IFT74: variants seen among roughly 807,000 people sequenced by gnomAD.
IFT74 encodes the protein intraflagellar transport 74.
IFT74 carries 92 observed loss-of-function variants against 96.7 expected under a neutral mutation model. The observed-to-expected ratio is 0.95, with a 90% CI of 0.80 to 1.13. The LOEUF is 1.13. IFT74 is among the 50% of genes most tolerant of loss of function. The pLI is 0.00. For synonymous variants in IFT74, 223 were observed against 213.2 expected, an observed-to-expected ratio of 1.05 and a Z score of -0.40; for missense variants, 811 against 698.2, an observed-to-expected ratio of 1.16 and a Z score of -1.82.
chr9:26,964,741 C>T (rs1826530345), intron 2 of IFT74, among the ~76,000 whole-genome samples: 1 of 152,086 alleles, frequency 6.6e-6, no homozygotes, highest in African/African-American at 2.4e-5. Context: ...TTCTAAAACT[C>T]ATCTAGAACA....
chr9:26,963,764 G>A (rs1414310820), intron 2 of IFT74, among the ~76,000 whole-genome samples: 4 of 152,228 alleles, frequency 2.6e-5, no homozygotes, highest in Admixed American at 6.5e-5. Flanking sequence ...CTTCTTTTGG[G>A]AAGTGTCGGT....
chr9:27,004,660 C>G lies in IFT74; in HGVS notation c.588-4360C>G, dbSNP rs904391948. Among the ~76,000 whole-genome samples the G allele has an allele frequency of 2.0e-5, 3 of 152,130 alleles. No homozygotes were observed. The East Asian group carries it at 5.8e-4, about 29-fold the overall frequency. On this transcript the variant is annotated intron_variant, in intron 8 of 19. Coordinates refer to ENST00000380062, the MANE Select transcript of IFT74 (RefSeq NM_025103.4). ...ACAGTTGGTTTAAAAGGAAGTCAGT[C>G]ATTGTTGCTTTCTTTCTCCTTTTGG...
chr9:26,979,726 T>A (rs1827281301), intron 3 of IFT74, among the ~76,000 whole-genome samples: 1 of 144,980 alleles, frequency 6.9e-6, no homozygotes, highest in Non-Finnish European at 1.5e-5. Context: ...TTTTTTTTTT[T>A]TTTTGAGATG....
chr9:27,051,337 T>C (rs1203460433), intron 16 of IFT74, among the ~76,000 whole-genome samples: 1 of 152,198 alleles, frequency 6.6e-6, no homozygotes, highest in Admixed American at 6.5e-5. Flanking sequence ...CGTAGTTTTT[T>C]TTTGTATGTC....
At chr9:26,994,426 A>G (rs971732476) in intron 8 of IFT74, 2 of 151,566 alleles carry the variant, frequency 1.3e-5, no homozygotes, top group East Asian at 1.9e-4. Flanking sequence ...ACTCCCAGCT[A>G]CTCGGGAGGC....
intron 2 of IFT74, among the ~76,000 whole-genome samples, chr9:26,977,567 C>T (rs545811963): frequency 9.8e-5 from 15 of 152,312 alleles, no homozygotes; most frequent in Admixed American, 2.0e-4. Context: ...CGGCTCACTG[C>T]GGCCTTGACC....
rs1426215412 is a variant in IFT74, at chr9:26,978,267, C to T, written c.256+4C>T. On this transcript the variant is annotated splice_donor_region_variant and intron_variant, in intron 3 of 19. Transcript: ENST00000380062. ...GGAATGAAAACTGGGACGAAAGGTACCTATTTTAAGATAAGTATGACACTT... is the reference window on the plus strand; with the variant it reads ...GGAATGAAAACTGGGACGAAAGGTATCTATTTTAAGATAAGTATGACACTT... The T allele has an allele frequency of 1.2e-6, 2 of 1,611,836 alleles. No individual in the cohort carries two copies. The highest frequency in any genetic ancestry group is 1.3e-5 in the African/African-American group (1 of 74,740).
At chr9:27,009,720 C>T (rs1828957769) in intron 9 of IFT74, among the ~76,000 whole-genome samples, 2 of 151,344 alleles carry the variant, frequency 1.3e-5, no homozygotes, top group East Asian at 3.9e-4. Context: ...ATTTACTTTC[C>T]TTTTCCTTCC....
intron 8 of IFT74, chr9:26,999,791 T>TG (rs11436755): frequency 2.0e-4 from 153 of 757,968 alleles, no homozygotes; most frequent in Non-Finnish European, 2.7e-4. Flanking sequence ...TTTTTTTTTT[T>TG]GGCTGAGACA....
At chr9:27,017,287 A>G (rs1048070086) in intron 11 of IFT74, among the ~76,000 whole-genome samples, 4 of 152,120 alleles carry the variant, frequency 2.6e-5, no homozygotes, top group Non-Finnish European at 2.9e-5. Context: ...CAGTGGTGCA[A>G]TCATAGCTCA....
chr9:27,034,370 G>A (rs1465684440), intron 13 of IFT74, among the ~76,000 whole-genome samples: 3 of 152,114 alleles, frequency 2.0e-5, no homozygotes, highest in Admixed American at 6.6e-5. Flanking sequence ...GTCATTCAAA[G>A]TAGTAAAATA....
upstream of IFT74, among the ~76,000 whole-genome samples, chr9:26,953,222 A>C (rs1434004435): frequency 1.3e-5 from 2 of 152,148 alleles, no homozygotes; most frequent in African/African-American, 4.8e-5. Flanking sequence ...TTCAGGTTAA[A>C]ATAATATTTT....
At position 27,016,980 on chromosome 9, in the gene IFT74, G is replaced by A. The variant is rs761276999; in HGVS notation, c.863G>A (p.Arg288Gln). 32 of 1,611,162 alleles carry A rather than the reference G, an allele frequency of 2.0e-5. No individual in the cohort carries two copies. Among genetic ancestry groups the A allele is most frequent in the Admixed American group, 3.4e-5 (2 of 59,586 alleles). The change falls in exon 11 of 20, where the codon CGA (arginine) becomes CAA (glutamine). Residue 288 changes from arginine to glutamine, a missense_variant. Arg to Gln is a conservative substitution (Grantham distance 43, BLOSUM62 1). Coordinates refer to ENST00000380062, the MANE Select transcript of IFT74 (RefSeq NM_025103.4). ...AAACTTTATGAGTTGGAGTCCCATC[G>A]AGATCAAATGATTGCAGAAGACAAA... ...HEKLYELESH[R>Q]DQMIAEDKSI...
intron 8 of IFT74, chr9:26,998,324 C>T (rs1828283862): frequency 1.1e-5 from 9 of 817,872 alleles, no homozygotes; most frequent in Non-Finnish European, 1.4e-5. Context: ...AGCACTTAGA[C>T]ATTAGAAGGA....
At chr9:26,959,113 G>C (rs915988938) in intron 1 of IFT74, among the ~76,000 whole-genome samples, 8 of 152,012 alleles carry the variant, frequency 5.3e-5, no homozygotes, top group African/African-American at 1.9e-4. Context: ...TGTTGTTGTT[G>C]TTGTTGTTGT....
chr9:26,961,221 G>C (rs1011547173), intron 1 of IFT74, among the ~76,000 whole-genome samples: 2 of 151,496 alleles, frequency 1.3e-5, no homozygotes, highest in African/African-American at 4.9e-5. Flanking sequence ...CTCCTGAGTA[G>C]CTGGTACTAC....
chr9:27,061,686 T>TAC (rs1301285985), intron 19 of IFT74, among the ~76,000 whole-genome samples: 2 of 148,594 alleles, frequency 1.3e-5, no homozygotes, highest in South Asian at 4.2e-4. Context: ...AGTATATATA[T>TAC]ATATATATAT....
intron 3 of IFT74, among the ~76,000 whole-genome samples, chr9:26,979,751 C>T (rs199716387): frequency 4.6e-5 from 5 of 108,470 alleles, no homozygotes; most frequent in East Asian, 6.6e-4. Context: ...CTTTCTCTGT[C>T]GCCCAGGCTG....
intron 9 of IFT74, among the ~76,000 whole-genome samples, chr9:27,009,853 A>C (rs546148913): frequency 6.6e-6 from 1 of 152,248 alleles, no homozygotes; most frequent in South Asian, 2.1e-4. Flanking sequence ...ACACAATTGT[A>C]CATATTTATG....
Sources: gnomAD v4.1 joint callset for allele counts (sites outside exome capture counted in the v4.1 genomes callset) on GRCh38, gnomAD v4.1.1 for gene constraint, MANE v1.5 for transcripts, NCBI Gene and HGNC (gene_info 2026-07-23, HGNC 2026-07-21) for gene names.